Variants in ATP11A observed in about 807,000 individuals in gnomAD.
The protein encoded by ATP11A is phospholipid-transporting ATPase IH.
Under a neutral mutation model 154.4 loss-of-function variants are expected in ATP11A, and 81 were observed. The observed-to-expected ratio is 0.52, with a 90% CI of 0.44 to 0.63. ATP11A has a LOEUF of 0.63. Ranked by LOEUF, ATP11A falls within the 30% of genes least tolerant of loss-of-function variation. ATP11A has a pLI of 0.00. For missense variants in ATP11A, 1,316 were observed against 1,474.3 expected, an observed-to-expected ratio of 0.89 and a Z score of 1.76; for synonymous variants, 623 against 585.9, an observed-to-expected ratio of 1.06 and a Z score of -0.91.
intron 2 of ATP11A, among the ~76,000 whole-genome samples, chr13:112,789,113 A>T (rs2077752089): frequency 6.6e-6 from 1 of 150,410 alleles, no homozygotes; most frequent in African/African-American, 2.5e-5. Flanking sequence ...GGGTGTCCTG[A>T]TGTATAGACC....
At chr13:112,781,282 C>T (rs192154357) in intron 1 of ATP11A, among the ~76,000 whole-genome samples, 8 of 152,130 alleles carry the variant, frequency 5.3e-5, no homozygotes, top group East Asian at 3.9e-4. Flanking sequence ...TCAAGCGCTC[C>T]GCCTGCCTTC....
At chr13:112,805,513 T>C (rs763789058) in intron 3 of ATP11A, among the ~76,000 whole-genome samples, 3 of 151,978 alleles carry the variant, frequency 2.0e-5, no homozygotes, top group Admixed American at 2.0e-4. Flanking sequence ...CTGTCTCTAC[T>C]AAAAATACAA....
At chr13:112,828,722 G>A (rs2079012825) in intron 12 of ATP11A, among the ~76,000 whole-genome samples, 1 of 152,118 alleles carries the variant, frequency 6.6e-6, no homozygotes, top group African/African-American at 2.4e-5. Context: ...CCAAAACCAG[G>A]CTCCAGCTTG....
intron 4 of ATP11A, among the ~76,000 whole-genome samples, chr13:112,808,565 C>CCTCCCCACA (rs760114164): frequency 1.3e-5 from 2 of 151,322 alleles, no homozygotes; most frequent in Non-Finnish European, 2.9e-5. Flanking sequence ...TCCCAAATGG[C>CCTCCCCACA]CTCCCCACAC....
At chr13:112,734,141 C>T (rs1890765803) in intron 1 of ATP11A, among the ~76,000 whole-genome samples, 1 of 152,148 alleles carries the variant, frequency 6.6e-6, no homozygotes, top group Non-Finnish European at 1.5e-5. Flanking sequence ...ACTAACTGTG[C>T]TGCTTCCAGC....
intron 2 of ATP11A, among the ~76,000 whole-genome samples, chr13:112,803,609 G>T (rs940744089): frequency 6.6e-6 from 1 of 152,132 alleles, no homozygotes. Context: ...CAACACAGAA[G>T]TTGAATGAAA....
intron 1 of ATP11A, among the ~76,000 whole-genome samples, chr13:112,776,876 C>G (rs570360346): frequency 6.8e-6 from 1 of 147,650 alleles, no homozygotes; most frequent in Non-Finnish European, 1.5e-5. Context: ...GGATTACAGG[C>G]TTGAGCCCCC....
intron 1 of ATP11A, among the ~76,000 whole-genome samples, chr13:112,721,372 G>T (rs752554): frequency 1.1e-3 from 171 of 152,288 alleles, no homozygotes; most frequent in African/African-American, 3.1e-3. Flanking sequence ...AAGAGAAAAC[G>T]TACCTTTGCT....
In ATP11A at chr13:112,747,800, C is replaced by T. The variant is rs114640269; in HGVS notation, c.40-37335C>T. ...GCAGTGTTCAGAGATCACGCCATTG[C>T]ACTCCATTCGGACGGACAGAGTGTA... On this transcript the variant is annotated intron_variant, in intron 1 of 29. Transcript: ENST00000375645. 9.9e-3 allele frequency among the ~76,000 whole-genome samples: 1,506 copies of T among 151,968 alleles called. 23 individuals are homozygous for T. Among genetic ancestry groups the T allele is most frequent in the African/African-American group, 0.031 (1,300 of 41,398 alleles).
chr13:112,794,405 G>A lies in ATP11A; in HGVS notation c.162+9148G>A, dbSNP rs773028405. On this transcript the variant is annotated intron_variant, in intron 2 of 29. Transcript: ENST00000375645. ...GGTACTGCTGTGTCAGTGCAGTCAC[G>A]ACCCTTTAAATGAGTTCCCTGGGAT... Among the ~76,000 whole-genome samples the A allele has an allele frequency of 2.6e-5, 4 of 152,172 alleles. No homozygotes were observed. The South Asian group carries it at 6.2e-4, about 24-fold the overall frequency.
chr13:112,842,203 A>G (rs2079441475), intron 16 of ATP11A, 73 bp from the exon 17 acceptor site: 1 of 1,245,304 alleles, frequency 8.0e-7, no homozygotes, highest in Non-Finnish European at 1.1e-6. Context: ...TTTTTTAATA[A>G]TGGCATAATT....
chr13:112,771,984 G>A (rs557146005), intron 1 of ATP11A, among the ~76,000 whole-genome samples: 5 of 152,322 alleles, frequency 3.3e-5, no homozygotes, highest in South Asian at 2.1e-4. Context: ...CAGAGCCTGC[G>A]GGGCAGATGC....
intron 1 of ATP11A, among the ~76,000 whole-genome samples, chr13:112,759,875 G>A (rs1169573547): frequency 2.0e-5 from 3 of 152,086 alleles, no homozygotes; most frequent in African/African-American, 2.4e-5. Flanking sequence ...TAGGTTATTC[G>A]CACAAGTTAT....
At chr13:112,834,996 C>T (rs1325618435) in intron 15 of ATP11A, among the ~76,000 whole-genome samples, 1 of 152,258 alleles carries the variant, frequency 6.6e-6, no homozygotes, top group African/African-American at 2.4e-5. Flanking sequence ...TCTGACCTCT[C>T]CAGGCCCCTT....
At chr13:112,837,293 C>T (rs889278003) in intron 16 of ATP11A, among the ~76,000 whole-genome samples, 21 of 152,222 alleles carry the variant, frequency 1.4e-4, no homozygotes, top group South Asian at 8.3e-4. Flanking sequence ...CGCTTCCTGC[C>T]GTGGGCTTTC....
At chr13:112,758,580 T>C (rs1014735144) in intron 1 of ATP11A, among the ~76,000 whole-genome samples, 3 of 151,756 alleles carry the variant, frequency 2.0e-5, no homozygotes, top group South Asian at 2.1e-4. Flanking sequence ...CCCGCCACCA[T>C]GCCCGGCTAA....
At chr13:112,768,258 T>C (rs995138558) in intron 1 of ATP11A, among the ~76,000 whole-genome samples, 1 of 152,268 alleles carries the variant, frequency 6.6e-6, no homozygotes, top group African/African-American at 2.4e-5. Flanking sequence ...CCTCCACCTC[T>C]ACCAGCAGCG....
At chr13:112,845,580 C>G (rs1474643411) in intron 17 of ATP11A, among the ~76,000 whole-genome samples, 1 of 118,842 alleles carries the variant, frequency 8.4e-6, no homozygotes, top group Non-Finnish European at 1.7e-5. Flanking sequence ...TTGCCAGGCA[C>G]TAGTGGTTCT....
chr13:112,740,126 T>TTCTCTCTCTCTC, intron 1 of ATP11A, among the ~76,000 whole-genome samples: 1 of 142,398 alleles, frequency 7.0e-6, no homozygotes, highest in African/African-American at 2.6e-5. Flanking sequence ...AGCATGTGAA[T>TTCTCTCTCTCTC]TCTCTCTCTC....
Sources: gnomAD v4.1 joint callset for allele counts (sites outside exome capture counted in the v4.1 genomes callset) on GRCh38, gnomAD v4.1.1 for gene constraint, MANE v1.5 for transcripts, NCBI Gene and HGNC (gene_info 2026-07-23, HGNC 2026-07-21) for gene names.